The following NALF1 variants were observed in gnomAD, a reference collection of about 807,000 sequenced individuals.
NALF1 encodes the protein family with sequence similarity 155 member A.
Under a neutral mutation model 48.4 loss-of-function variants are expected in NALF1, and 3 were observed. The ratio of observed to expected loss-of-function variants is 0.06; its 90% CI spans 0.03 to 0.16. NALF1 has a LOEUF of 0.16. NALF1 is among the 10% of genes least tolerant of loss of function. NALF1 has a pLI of 1.00. For synonymous variants in NALF1, 262 were observed against 245.7 expected (o/e 1.07, Z -0.62); for missense variants, 526 against 571.5 (o/e 0.92, Z 0.81).
At chr13:107,469,473 A>C (rs928837541) in intron 1 of NALF1, among the ~76,000 whole-genome samples, 1 of 152,152 alleles carries the variant, frequency 6.6e-6, no homozygotes, top group African/African-American at 2.4e-5. Context: ...TTGATTCCAG[A>C]GCCTCCCTTG....
At chr13:107,507,182 T>C (rs1243042302) in intron 1 of NALF1, among the ~76,000 whole-genome samples, 1 of 152,062 alleles carries the variant, frequency 6.6e-6, no homozygotes, top group African/African-American at 2.4e-5. Flanking sequence ...AGATCTGTAA[T>C]AGAATTTCAT....
At chr13:107,652,734 T>C (rs1880478111) in intron 1 of NALF1, among the ~76,000 whole-genome samples, 1 of 152,170 alleles carries the variant, frequency 6.6e-6, no homozygotes, top group Non-Finnish European at 1.5e-5. Flanking sequence ...CATGGGCTGT[T>C]TCAACTGCAA....
chr13:107,697,635 A>C (rs992699637), intron 1 of NALF1, among the ~76,000 whole-genome samples: 21 of 152,240 alleles, frequency 1.4e-4, no homozygotes, highest in African/African-American at 5.1e-4. Flanking sequence ...TTTATCAAGT[A>C]AGCTCTCTAT....
chr13:107,841,933 T>C (rs1269282960), intron 1 of NALF1, among the ~76,000 whole-genome samples: 2 of 152,024 alleles, frequency 1.3e-5, no homozygotes, highest in African/African-American at 4.8e-5. Flanking sequence ...ATAGACAATA[T>C]GTAGATAAAA....
intron 1 of NALF1, among the ~76,000 whole-genome samples, chr13:107,645,024 A>C (rs1422946910): frequency 6.6e-6 from 1 of 152,104 alleles, no homozygotes; most frequent in Non-Finnish European, 1.5e-5. Context: ...ATGTACTACA[A>C]TTTATTTGGT....
intron 1 of NALF1, among the ~76,000 whole-genome samples, chr13:107,854,766 C>T (rs1880400832): frequency 1.3e-5 from 2 of 151,014 alleles, no homozygotes; most frequent in African/African-American, 2.4e-5. Context: ...CCCAGCTACT[C>T]GGGAGGCTGA....
rs1876922284 is a variant in NALF1, at chr13:107,751,011, A to C, written c.915+114671T>G. 2.6e-5 allele frequency among the ~76,000 whole-genome samples: 4 copies of C among 152,356 alleles called. No individual in the cohort carries two copies. The South Asian group carries it at 8.3e-4, about 32-fold the overall frequency. Reference sequence around the variant, plus strand: ...AAGCCTCTTGACTGAATGATAAAACAGGCCAGAAATTGATTAATCTCTTTC... The same window carrying C: ...AAGCCTCTTGACTGAATGATAAAACCGGCCAGAAATTGATTAATCTCTTTC... On this transcript the variant is annotated intron_variant, in intron 1 of 2. Coordinates refer to ENST00000375915, the MANE Select transcript of NALF1 (RefSeq NM_001080396.3).
intron 1 of NALF1, among the ~76,000 whole-genome samples, chr13:107,226,620 A>G (rs1262613601): frequency 2.0e-5 from 3 of 152,238 alleles, no homozygotes; most frequent in Admixed American, 1.3e-4. Flanking sequence ...TATAACCACT[A>G]TCAACGCACA....
At chr13:107,604,304 A>C (rs903602182) in intron 1 of NALF1, among the ~76,000 whole-genome samples, 2 of 152,126 alleles carry the variant, frequency 1.3e-5, no homozygotes, top group African/African-American at 4.8e-5. Flanking sequence ...AATCCAAATA[A>C]TTATTTTGTC....
chr13:107,751,275 A>G (rs1876930570), intron 1 of NALF1, among the ~76,000 whole-genome samples: 1 of 152,236 alleles, frequency 6.6e-6, no homozygotes, highest in Non-Finnish European at 1.5e-5. Flanking sequence ...CCCACGGTAG[A>G]GGTAAACAGA....
intron 1 of NALF1, among the ~76,000 whole-genome samples, chr13:107,286,588 A>C (rs79254386): frequency 7.4e-6 from 1 of 134,276 alleles, no homozygotes; most frequent in Non-Finnish European, 1.6e-5. Flanking sequence ...CCCTGTCTCA[A>C]AAAAAAAAAA....
chr13:107,706,204 T>G (rs1881942837), intron 1 of NALF1, among the ~76,000 whole-genome samples: 1 of 152,158 alleles, frequency 6.6e-6, no homozygotes, highest in Admixed American at 6.5e-5. Flanking sequence ...TCGGTGGCAA[T>G]AAAATGTCAA....
chr13:107,727,474 G>C (rs930226276), intron 1 of NALF1, among the ~76,000 whole-genome samples: 2 of 152,076 alleles, frequency 1.3e-5, no homozygotes, highest in Non-Finnish European at 2.9e-5. Context: ...CATACTCTGT[G>C]GACAACAGGG....
chr13:107,539,413 G>C (rs1367512190), intron 1 of NALF1, among the ~76,000 whole-genome samples: 1 of 150,050 alleles, frequency 6.7e-6, no homozygotes, highest in African/African-American at 2.5e-5. Context: ...CTGCCCTTGT[G>C]AGTCAATCAC....
At chr13:107,340,279 T>G (rs1882644662) in intron 1 of NALF1, among the ~76,000 whole-genome samples, 2 of 151,836 alleles carry the variant, frequency 1.3e-5, no homozygotes, top group African/African-American at 4.8e-5. Context: ...TAGCTGAGAT[T>G]ACAGGTGCCC....
chr13:107,360,477 A>G (rs904154936), intron 1 of NALF1, among the ~76,000 whole-genome samples: 1 of 152,164 alleles, frequency 6.6e-6, no homozygotes, highest in African/African-American at 2.4e-5. Flanking sequence ...AGTTCAGCCA[A>G]TATCTTTTTA....
chr13:107,731,471 G>T (rs541085324), intron 1 of NALF1, among the ~76,000 whole-genome samples: 71 of 152,120 alleles, frequency 4.7e-4, no homozygotes, highest in African/African-American at 1.6e-3. Context: ...TATCAGAGGG[G>T]TTTGTTTTAC....
chr13:107,230,575 C>A (rs1594080620), intron 1 of NALF1, among the ~76,000 whole-genome samples: 1 of 151,572 alleles, frequency 6.6e-6, no homozygotes, highest in East Asian at 1.9e-4. Flanking sequence ...TTACAAACTT[C>A]AAGATAATAA....
intron 1 of NALF1, among the ~76,000 whole-genome samples, chr13:107,503,305 G>A (rs549171145): frequency 9.3e-4 from 141 of 151,904 alleles, no homozygotes; most frequent in African/African-American, 3.2e-3. Flanking sequence ...AAAAAATCCA[G>A]AAGGTAACAA....
Sources: allele counts gnomAD v4.1 joint callset (sites outside exome capture counted in the v4.1 genomes callset), GRCh38; gene constraint gnomAD v4.1.1; transcripts MANE v1.5; gene names NCBI Gene and HGNC (gene_info 2026-07-23, HGNC 2026-07-21).